Variants in CPNE4 observed in about 807,000 individuals in gnomAD.
CPNE4 encodes copine 4.
In CPNE4, 25 loss-of-function variants were observed where a neutral mutation model predicts 67.9. The ratio of observed to expected loss-of-function variants is 0.37; its 90% CI spans 0.27 to 0.51. The LOEUF is 0.51. Ranked by LOEUF, CPNE4 falls within the 20% of genes least tolerant of loss-of-function variation. The probability of loss-of-function intolerance (pLI) is 0.93; values close to 1 mark genes in which losing one functional copy is unlikely to be tolerated. For synonymous variants in CPNE4, 242 were observed against 244.9 expected (o/e 0.99, Z 0.11); for missense variants, 464 against 690.8 (o/e 0.67, Z 3.68).
intron 2 of CPNE4, among the ~76,000 whole-genome samples, chr3:131,761,405 C>T (rs1444865871): frequency 6.6e-6 from 1 of 151,792 alleles, no homozygotes; most frequent in African/African-American, 2.4e-5. Flanking sequence ...CATTCTTAAT[C>T]AGATTACCAA....
intron 7 of CPNE4, among the ~76,000 whole-genome samples, chr3:131,623,596 C>A (rs1940589011): frequency 6.6e-6 from 1 of 152,170 alleles, no homozygotes; most frequent in African/African-American, 2.4e-5. Flanking sequence ...TATGCCTTAA[C>A]AAAAAGCTAG....
chr3:132,009,830 T>G lies in CPNE4; in HGVS notation c.-2+24737A>C, dbSNP rs565889131. On this transcript the variant is annotated intron_variant, in intron 1 of 15. Transcript: ENST00000429747. ...ATATTTTAAGTTGTTAACAACTGAG[T>G]TGGGAAAAGATGGGGAAGCTGCTAT... is the stretch of plus-strand genomic sequence containing the variant. 7.2e-5 allele frequency among the ~76,000 whole-genome samples: 11 copies of G among 152,172 alleles called. No individual in the cohort carries two copies. The South Asian group carries it at 1.5e-3, about 20-fold the overall frequency.
chr3:131,906,914 G>A (rs1402796510), intron 1 of CPNE4, among the ~76,000 whole-genome samples: 1 of 151,840 alleles, frequency 6.6e-6, no homozygotes, highest in East Asian at 1.9e-4. Flanking sequence ...TCCAGCACCT[G>A]TTGTTTCCTG....
intron 2 of CPNE4, among the ~76,000 whole-genome samples, chr3:131,763,604 C>T (rs1177338348): frequency 6.6e-6 from 1 of 152,120 alleles, no homozygotes; most frequent in East Asian, 1.9e-4. Flanking sequence ...TTCTGGCTCT[C>T]TAATCAGATC....
intron 2 of CPNE4, among the ~76,000 whole-genome samples, chr3:131,816,254 A>T (rs572680944): frequency 3.9e-5 from 6 of 152,214 alleles, no homozygotes; most frequent in Non-Finnish European, 8.8e-5. Flanking sequence ...TGATACTCAG[A>T]TACTGATGAG....
intron 2 of CPNE4, among the ~76,000 whole-genome samples, chr3:131,844,429 G>C (rs2085915950): frequency 6.6e-6 from 1 of 151,918 alleles, no homozygotes; most frequent in Admixed American, 6.6e-5. Context: ...ACCACACCTG[G>C]CTAATGTTTG....
chr3:131,979,889 G>A (rs1365043738), intron 1 of CPNE4, among the ~76,000 whole-genome samples: 1 of 152,022 alleles, frequency 6.6e-6, no homozygotes, highest in Non-Finnish European at 1.5e-5. Context: ...GGGGTGGCTT[G>A]GTAATGGTGA....
At chr3:131,744,054 T>C (rs970881296) in intron 2 of CPNE4, among the ~76,000 whole-genome samples, 2 of 135,334 alleles carry the variant, frequency 1.5e-5, no homozygotes, top group Non-Finnish European at 3.3e-5. Context: ...TTTAATATTA[T>C]TTGAAAATTT....
intron 2 of CPNE4, among the ~76,000 whole-genome samples, chr3:131,806,525 G>A (rs1419674045): frequency 3.4e-5 from 5 of 148,304 alleles, no homozygotes; most frequent in Admixed American, 2.0e-4. Context: ...ACTCCAGCCT[G>A]GGTGACAGAG....
At chr3:131,610,571 CT>C (rs1275685229) in intron 7 of CPNE4, among the ~76,000 whole-genome samples, 1 of 152,196 alleles carries the variant, frequency 6.6e-6, no homozygotes, top group African/African-American at 2.4e-5. Flanking sequence ...ATTGAGACAA[CT>C]GAGATGTGAC....
chr3:131,914,139 C>T (rs984000449), intron 1 of CPNE4, among the ~76,000 whole-genome samples: 9 of 152,158 alleles, frequency 5.9e-5, no homozygotes, highest in Non-Finnish European at 1.2e-4. Flanking sequence ...ATTTCCATTT[C>T]ATAGGCAAGA....
chr3:131,992,245 A>G (rs1260239787), intron 1 of CPNE4, among the ~76,000 whole-genome samples: 1 of 136,702 alleles, frequency 7.3e-6, no homozygotes, highest in Non-Finnish European at 1.7e-5. Context: ...AAGCTGTGAA[A>G]GCAGCTGGAA....
chr3:131,558,699 TA>T (rs1272328866), intron 11 of CPNE4, among the ~76,000 whole-genome samples: 6 of 151,994 alleles, frequency 3.9e-5, no homozygotes, highest in Admixed American at 6.6e-5. Context: ...TTAATAAACG[TA>T]AAGAAAAATT....
At position 131,806,839 on chromosome 3, in the gene CPNE4, A is replaced by G. The variant is rs376476086; in HGVS notation, c.181-83214T>C. ...ATGAATGTCACAAAAGTCTTCCTGG[A>G]TTTGTTTCGAAAAACCTAACATCCA... On this transcript the variant is annotated intron_variant, in intron 2 of 15. Coordinates refer to ENST00000429747, the MANE Select transcript of CPNE4 (RefSeq NM_130808.3). Among the ~76,000 whole-genome samples the G allele has an allele frequency of 1.1e-4, 17 of 152,242 alleles. 1 individual carries two copies. Among genetic ancestry groups the G allele is most frequent in the African/African-American group, 4.1e-4 (17 of 41,538 alleles).
At chr3:131,665,239 A>C (rs1204383060) in intron 7 of CPNE4, among the ~76,000 whole-genome samples, 6 of 152,150 alleles carry the variant, frequency 3.9e-5, no homozygotes, top group Non-Finnish European at 8.8e-5. Flanking sequence ...GAAACACTAT[A>C]GAATTTTCTA....
intron 1 of CPNE4, among the ~76,000 whole-genome samples, chr3:131,926,795 T>C (rs1016791398): frequency 3.3e-5 from 5 of 152,158 alleles, no homozygotes; most frequent in African/African-American, 1.2e-4. Context: ...ATTCCTTTAA[T>C]ACCCTAGAGA....
chr3:131,982,700 G>T (rs1408865787), intron 1 of CPNE4, among the ~76,000 whole-genome samples: 1 of 151,954 alleles, frequency 6.6e-6, no homozygotes, highest in Non-Finnish European at 1.5e-5. Context: ...GATTTTTTTA[G>T]AAAGATCAAG....
chr3:131,766,674 T>C (rs1480218041), intron 2 of CPNE4, among the ~76,000 whole-genome samples: 2 of 152,112 alleles, frequency 1.3e-5, no homozygotes, highest in East Asian at 3.9e-4. Context: ...CACAATTTGA[T>C]GTTATAAAAA....
chr3:131,787,961 G>A (rs1228610563), intron 2 of CPNE4, among the ~76,000 whole-genome samples: 1 of 152,016 alleles, frequency 6.6e-6, no homozygotes, highest in Non-Finnish European at 1.5e-5. Flanking sequence ...AGTAATTATT[G>A]AGAGAAAAAG....
Sources: allele counts gnomAD v4.1 joint callset (sites outside exome capture counted in the v4.1 genomes callset), GRCh38; gene constraint gnomAD v4.1.1; transcripts MANE v1.5; gene names NCBI Gene and HGNC (gene_info 2026-07-23, HGNC 2026-07-21).